ANTXR1: variants seen among roughly 807,000 people sequenced by gnomAD.
ANTXR1 encodes the protein anthrax toxin receptor 1.
A neutral mutation model predicts 78.1 loss-of-function variants in ANTXR1; 19 were observed. That is an observed-to-expected ratio of 0.24 (90% CI 0.17 to 0.36). ANTXR1 has a LOEUF of 0.36. Ranked by LOEUF, ANTXR1 falls within the 10% of genes least tolerant of loss-of-function variation. The pLI is 1.00. For missense variants in ANTXR1, 518 were observed against 718.6 expected (o/e 0.72, Z 3.19); for synonymous variants, 273 against 260.5 (o/e 1.05, Z -0.46).
Position 69,071,687 on chromosome 2 carries a change from TCCA to T in ANTXR1, c.379-65_379-63del, listed in dbSNP as rs1467595537. 9.4e-6 allele frequency: 14 copies of T among 1,494,698 alleles called. No individual in the cohort carries two copies. In the African/African-American group the frequency reaches 1.9e-4, roughly 21 times the overall value. 92.6% of individuals were successfully genotyped at this position (1,494,698 alleles called of 1,614,324 possible). ...GCATATTCAACAACAGAGCCCATTA[TCCA>T]CTATGGTTTTTGGAGTGACAAACAG... On this transcript the variant is annotated intron_variant, in intron 4 of 17. Coordinates refer to ENST00000303714, the MANE Select transcript of ANTXR1 (RefSeq NM_032208.3).
intron 9 of ANTXR1, among the ~76,000 whole-genome samples, chr2:69,095,349 C>A (rs182463916): frequency 6.6e-6 from 1 of 152,134 alleles, no homozygotes; most frequent in Non-Finnish European, 1.5e-5. Flanking sequence ...CCACCCACAC[C>A]CCTATGAAAC....
Position 69,073,029 on chromosome 2 carries a change from G to A in ANTXR1, c.420G>A (p.Arg140=), listed in dbSNP as rs756008471. Reference sequence around the variant, plus strand: ...CTGTATTGTGTTAAACAGGGTACAGGACAGCCAGCGTCATCATTGCTTTGA... The same window carrying A: ...CTGTATTGTGTTAAACAGGGTACAGAACAGCCAGCGTCATCATTGCTTTGA... The part of the protein sequence containing the change: ...QIYYENRQGY[R]TASVIIALTD... Residue 140 remains arginine (R), a synonymous_variant, in exon 6 of 18, where the codon AGG becomes AGA. Transcript: ENST00000303714. The A allele has an allele frequency of 1.5e-5, 25 of 1,613,932 alleles. No homozygotes were observed. In the East Asian group the frequency reaches 5.1e-4, roughly 33 times the overall value.
chr2:69,102,961 T>C, intron 10 of ANTXR1, 21 bp downstream of exon 10: 1 of 1,610,578 alleles, frequency 6.2e-7, no homozygotes, highest in African/African-American at 1.3e-5. Context: ...GCAGAGTCCA[T>C]GGGTTTCTTC....
At chr2:69,040,516 G>A (rs1669582584) in intron 2 of ANTXR1, among the ~76,000 whole-genome samples, 2 of 152,280 alleles carry the variant, frequency 1.3e-5, no homozygotes, top group East Asian at 3.9e-4. Flanking sequence ...ATCTTTCCCA[G>A]TTTTAGCACT....
intron 12 of ANTXR1, among the ~76,000 whole-genome samples, chr2:69,144,932 GGTTA>G (rs1673180320): frequency 6.6e-6 from 1 of 152,146 alleles, no homozygotes; most frequent in African/African-American, 2.4e-5. Flanking sequence ...CCTATCCTGG[GGTTA>G]GTTAAAATAG....
chr2:69,087,247 C>G (rs1558531469), intron 8 of ANTXR1, among the ~76,000 whole-genome samples: 1 of 152,178 alleles, frequency 6.6e-6, no homozygotes, highest in Non-Finnish European at 1.5e-5. Flanking sequence ...TAGTTGATTA[C>G]TTATCAGGTT....
At chr2:69,159,085 T>G (rs1229895121) in intron 13 of ANTXR1, among the ~76,000 whole-genome samples, 1 of 152,242 alleles carries the variant, frequency 6.6e-6, no homozygotes, top group African/African-American at 2.4e-5. Context: ...GGTTGTGTCA[T>G]GGGGGTTTGT....
intron 17 of ANTXR1, among the ~76,000 whole-genome samples, chr2:69,195,341 T>C (rs1037563597): frequency 2.6e-5 from 4 of 152,112 alleles, no homozygotes; most frequent in Non-Finnish European, 2.9e-5. Context: ...CAGCTAACAC[T>C]AGAGAACACT....
intron 5 of ANTXR1, among the ~76,000 whole-genome samples, chr2:69,072,264 C>CT (rs1670589531): frequency 6.6e-6 from 1 of 152,106 alleles, no homozygotes; most frequent in Admixed American, 6.5e-5. Context: ...AGTAGAGTGC[C>CT]TAGCACATAG....
chr2:69,067,375 T>C (rs1345811622), intron 3 of ANTXR1, among the ~76,000 whole-genome samples: 1 of 149,108 alleles, frequency 6.7e-6, no homozygotes. Flanking sequence ...AATATCCCAG[T>C]TCCCAGACTT....
chr2:69,229,262 T>C (rs1406157828), intron 17 of ANTXR1, among the ~76,000 whole-genome samples: 1 of 152,234 alleles, frequency 6.6e-6, no homozygotes, highest in Non-Finnish European at 1.5e-5. Flanking sequence ...ACTTGTTCTT[T>C]TTTAAAAAAA....
rs369009110 is a variant in ANTXR1, at chr2:69,245,407, C to G, written c.1617C>G (p.Thr539=). 68 of 1,576,786 alleles carry G rather than the reference C, an allele frequency of 4.3e-5. No individual in the cohort carries two copies. In the African/African-American group the frequency reaches 8.3e-4, roughly 19 times the overall value. ...PTPPIPSPPS[T]LPPPPQAPPP... is the part of the protein sequence containing the mutation. ...CTCCCATCCCGTCCCCACCTTCCAC[C>G]CTTCCCCCTCCTCCCCAGGCTCCAC... Residue 539 remains threonine, a synonymous_variant, in exon 18 of 18, where the codon ACC becomes ACG. Coordinates refer to ENST00000303714, the MANE Select transcript of ANTXR1 (RefSeq NM_032208.3).
intron 9 of ANTXR1, among the ~76,000 whole-genome samples, chr2:69,100,402 C>T (rs1165745139): frequency 6.6e-6 from 1 of 152,172 alleles, no homozygotes; most frequent in African/African-American, 2.4e-5. Context: ...TTTCCTCCAC[C>T]GTCTCCCCCT....
intron 8 of ANTXR1, among the ~76,000 whole-genome samples, chr2:69,087,496 G>C (rs1671091112): frequency 6.6e-6 from 1 of 152,128 alleles, no homozygotes; most frequent in Admixed American, 6.5e-5. Flanking sequence ...TTCCAAAATT[G>C]GGGTTCAGAA....
intron 17 of ANTXR1, among the ~76,000 whole-genome samples, chr2:69,237,852 T>TTA (rs974261895): frequency 2.0e-5 from 3 of 152,298 alleles, no homozygotes; most frequent in Admixed American, 6.5e-5. Context: ...ACATTTTTAT[T>TTA]TATATATATG....
chr2:69,152,152 C>G lies in ANTXR1; in HGVS notation c.952-17C>G. Reference sequence around the variant, plus strand: ...GGTCCCATCCCGCTGCTGACCGCCTCTCTCTTGGCCCTGCAGTCTGACGGT... The same window carrying G: ...GGTCCCATCCCGCTGCTGACCGCCTGTCTCTTGGCCCTGCAGTCTGACGGT... On this transcript the variant is annotated splice_polypyrimidine_tract_variant and intron_variant, in intron 12 of 17. Transcript: ENST00000303714. 1 of 1,613,450 alleles carries G rather than the reference C, an allele frequency of 6.2e-7. No individual in the cohort carries two copies. Among genetic ancestry groups the G allele is most frequent in the South Asian group, 1.1e-5 (1 of 91,074 alleles).
Position 69,194,290 on chromosome 2 carries a change from T to C in ANTXR1, c.1434+875T>C, listed in dbSNP as rs926597974. On this transcript the variant is annotated intron_variant, in intron 17 of 17. Coordinates refer to ENST00000303714, the MANE Select transcript of ANTXR1 (RefSeq NM_032208.3). ...ACTCAGGACCAAGTTTTCCCTCAAC[T>C]ACCAGCAACCTGCATCTTCCATCCA... is the stretch of plus-strand genomic sequence containing the variant. Among the ~76,000 whole-genome samples, 4 of 152,212 alleles carry C rather than the reference T, an allele frequency of 2.6e-5. No homozygotes were observed. In the South Asian group the frequency reaches 6.2e-4, roughly 24 times the overall value.
intron 3 of ANTXR1, among the ~76,000 whole-genome samples, chr2:69,053,038 A>C (rs1405858041): frequency 1.3e-5 from 2 of 152,200 alleles, no homozygotes; most frequent in African/African-American, 4.8e-5. Flanking sequence ...TTCAACATAA[A>C]TATAAATTAG....
intron 1 of ANTXR1, among the ~76,000 whole-genome samples, chr2:69,030,789 A>G (rs968723200): frequency 6.6e-6 from 1 of 152,234 alleles, no homozygotes; most frequent in African/African-American, 2.4e-5. Context: ...CATTATCGGC[A>G]ATAAATAACA....
Sources: gnomAD v4.1 joint callset for allele counts (sites outside exome capture counted in the v4.1 genomes callset) on GRCh38, gnomAD v4.1.1 for gene constraint, MANE v1.5 for transcripts, NCBI Gene and HGNC (gene_info 2026-07-23, HGNC 2026-07-21) for gene names.